The following THSD7B variants were observed in gnomAD, a reference collection of about 807,000 sequenced individuals.
THSD7B encodes thrombospondin type-1 domain-containing protein 7B.
In THSD7B, 138 loss-of-function variants were observed where a neutral mutation model predicts 213.6. That is an observed-to-expected ratio of 0.65 (90% CI 0.56 to 0.74). THSD7B has a LOEUF of 0.74. Among genes scored for constraint, THSD7B ranks in the 30% least tolerant of loss-of-function variants. THSD7B has a pLI of 0.00. For missense variants in THSD7B, 1,931 were observed against 1,991.5 expected (o/e 0.97, Z 0.58); for synonymous variants, 742 against 687.0 (o/e 1.08, Z -1.25).
chr2:137,078,044 G>C (rs891356580), intron 3 of THSD7B, among the ~76,000 whole-genome samples: 1 of 152,110 alleles, frequency 6.6e-6, no homozygotes, highest in Non-Finnish European at 1.5e-5. Context: ...TTCTACATTT[G>C]GCTAGCCAGT....
chr2:137,409,723 AAAT>A (rs1218456544), intron 13 of THSD7B, among the ~76,000 whole-genome samples: 2 of 152,226 alleles, frequency 1.3e-5, no homozygotes, highest in Admixed American at 6.5e-5. Flanking sequence ...AAGTAAAAAT[AAAT>A]AATATATGGC....
rs569952650 is a variant in THSD7B at position 136,912,089 on chromosome 2, G to C, written c.139+29772G>C. Reference sequence around the variant, plus strand: ...GCACTTTGGGAGGCCAAGGTGGGCAGATCACCTAAGGTCAAGAGTTCTAGA... The same window carrying C: ...GCACTTTGGGAGGCCAAGGTGGGCACATCACCTAAGGTCAAGAGTTCTAGA... On this transcript the variant is annotated intron_variant, in intron 2 of 27. Transcript: ENST00000409968. Among the ~76,000 whole-genome samples the C allele has an allele frequency of 4.6e-5, 7 of 152,112 alleles. No individual in the cohort carries two copies. In the South Asian group the frequency reaches 1.5e-3, roughly 32 times the overall value.
chr2:136,914,430 G>A (rs1207317177), intron 2 of THSD7B, among the ~76,000 whole-genome samples: 3 of 152,190 alleles, frequency 2.0e-5, no homozygotes, highest in Non-Finnish European at 2.9e-5. Flanking sequence ...GTTTTAAAAT[G>A]TGAGGACATG....
chr2:137,383,984 CAATT>C (rs1307096135), intron 12 of THSD7B, among the ~76,000 whole-genome samples: 3 of 152,150 alleles, frequency 2.0e-5, no homozygotes, highest in Non-Finnish European at 2.9e-5. Context: ...ACCCTTGAAA[CAATT>C]AAGCATTTTT....
At chr2:137,369,167 A>ATAT (rs1553443817) in intron 12 of THSD7B, among the ~76,000 whole-genome samples, 1 of 149,840 alleles carries the variant, frequency 6.7e-6, no homozygotes, top group African/African-American at 2.5e-5. Context: ...ATATATATAT[A>ATAT]TTTTTGACAA....
chr2:137,604,241 C>T (rs1298584802), intron 17 of THSD7B, among the ~76,000 whole-genome samples: 1 of 152,076 alleles, frequency 6.6e-6, no homozygotes, highest in African/African-American at 2.4e-5. Context: ...GTGACTATTT[C>T]AACTTTTTAA....
intron 15 of THSD7B, among the ~76,000 whole-genome samples, chr2:137,519,103 C>T (rs896393149): frequency 4.6e-5 from 7 of 152,018 alleles, no homozygotes; most frequent in Admixed American, 6.5e-5. Flanking sequence ...AAGAATTAGC[C>T]GGGAGTGGTG....
intron 12 of THSD7B, among the ~76,000 whole-genome samples, chr2:137,347,963 C>T (rs1335493204): frequency 1.3e-5 from 2 of 149,060 alleles, no homozygotes; most frequent in African/African-American, 5.0e-5. Context: ...ATTTGGGCCT[C>T]ATTTTCAAAA....
intron 15 of THSD7B, among the ~76,000 whole-genome samples, chr2:137,548,722 C>A (rs531477865): frequency 6.6e-6 from 1 of 152,114 alleles, no homozygotes; most frequent in South Asian, 2.1e-4. Context: ...ATCTCCCTTT[C>A]AAAGTATAGT....
intron 2 of THSD7B, among the ~76,000 whole-genome samples, chr2:136,921,687 T>C (rs1038786379): frequency 1.3e-5 from 2 of 152,210 alleles, no homozygotes; most frequent in Non-Finnish European, 2.9e-5. Context: ...AATTATAGAA[T>C]CAATTAGCAT....
intron 17 of THSD7B, among the ~76,000 whole-genome samples, chr2:137,605,804 G>A (rs1234675899): frequency 6.6e-6 from 1 of 151,624 alleles, no homozygotes; most frequent in African/African-American, 2.4e-5. Flanking sequence ...GAGTAGCTGG[G>A]GTTACAGGCG....
At chr2:137,171,634 C>T (rs866454331) in intron 7 of THSD7B, among the ~76,000 whole-genome samples, 1 of 152,056 alleles carries the variant, frequency 6.6e-6, no homozygotes, top group African/African-American at 2.4e-5. Context: ...GGAAGAATAT[C>T]GTGTATATTT....
chr2:137,176,441 A>G (rs1366331500), intron 7 of THSD7B, among the ~76,000 whole-genome samples: 1 of 152,200 alleles, frequency 6.6e-6, no homozygotes, highest in Admixed American at 6.5e-5. Context: ...AGGGACGAGA[A>G]TCTTATCTTG....
intron 2 of THSD7B, among the ~76,000 whole-genome samples, chr2:137,051,189 C>G (rs955947763): frequency 6.6e-6 from 1 of 152,132 alleles, no homozygotes; most frequent in South Asian, 2.1e-4. Context: ...AAGGAAGGAC[C>G]AAACACCCTC....
intron 1 of THSD7B, among the ~76,000 whole-genome samples, chr2:136,808,001 A>G (rs1385987165): frequency 6.6e-6 from 1 of 152,168 alleles, no homozygotes; most frequent in Non-Finnish European, 1.5e-5. Flanking sequence ...TGTATACACT[A>G]TCTATATTAA....
At chr2:137,278,734 A>G (rs933055607) in intron 12 of THSD7B, among the ~76,000 whole-genome samples, 1 of 152,138 alleles carries the variant, frequency 6.6e-6, no homozygotes, top group East Asian at 1.9e-4. Flanking sequence ...CTTAACATTA[A>G]CAATAGAAAG....
chr2:137,297,756 G>T (rs4954494), intron 12 of THSD7B, among the ~76,000 whole-genome samples: 1 of 152,022 alleles, frequency 6.6e-6, no homozygotes, highest in Admixed American at 6.5e-5. Context: ...GGTTTACCAG[G>T]GGTTTCAGCT....
At chr2:136,969,306 G>A (rs111435457) in intron 2 of THSD7B, among the ~76,000 whole-genome samples, 2 of 152,142 alleles carry the variant, frequency 1.3e-5, no homozygotes, top group Middle Eastern at 3.4e-3. Flanking sequence ...ATAGTACTTC[G>A]TTTTGTTTCT....
rs141366468 is a variant in THSD7B, at chr2:137,464,886, C to T, written c.3138+13863C>T. On this transcript the variant is annotated intron_variant, in intron 15 of 27. Coordinates refer to ENST00000409968, the MANE Select transcript of THSD7B (RefSeq NM_001316349.2). ...CAGTGGTCGATTAGATATGTATGTT[C>T]AGTCGCTTGTGTTTGGAGTAAAATA... Among the ~76,000 whole-genome samples the T allele has an allele frequency of 6.4e-4, 97 of 152,028 alleles. 1 individual carries two copies. The highest frequency in any genetic ancestry group is 2.3e-3 in the African/African-American group (94 of 41,472).
Sources: allele counts gnomAD v4.1 joint callset (sites outside exome capture counted in the v4.1 genomes callset), GRCh38; gene constraint gnomAD v4.1.1; transcripts MANE v1.5; gene names NCBI Gene and HGNC (gene_info 2026-07-23, HGNC 2026-07-21).